Variants in CLIP2 observed in about 807,000 individuals in gnomAD.
CLIP2 encodes the protein CAP-Gly domain containing linker protein 2, also known as CAP-Gly domain-containing linker protein 2.
In CLIP2, 41 loss-of-function variants were observed where a neutral mutation model predicts 111.7. That is an observed-to-expected ratio of 0.37 (90% CI 0.29 to 0.48). The LOEUF (loss-of-function observed/expected upper bound fraction) is 0.48, where lower values mean the gene tolerates loss of function less well. CLIP2 is among the 20% of genes least tolerant of loss of function. The pLI is 0.99. For missense variants in CLIP2, 1,160 were observed against 1,422.1 expected (o/e 0.82, Z 2.96); for synonymous variants, 660 against 644.2 (o/e 1.02, Z -0.37).
chr7:74,379,023 C>T (rs1790868847), intron 10 of CLIP2, among the ~76,000 whole-genome samples: 2 of 152,204 alleles, frequency 1.3e-5, no homozygotes, highest in Admixed American at 1.3e-4. Flanking sequence ...CAGCCTGCAA[C>T]TCAGGAACTG....
intron 1 of CLIP2, among the ~76,000 whole-genome samples, chr7:74,305,927 G>C (rs1554727691): frequency 7.0e-6 from 1 of 141,856 alleles, no homozygotes; most frequent in African/African-American, 2.7e-5. Flanking sequence ...TGGTGTGCTT[G>C]TCTGATTGTG....
chr7:74,334,611 A>G (rs1377250787), intron 2 of CLIP2, among the ~76,000 whole-genome samples: 1 of 152,142 alleles, frequency 6.6e-6, no homozygotes, highest in Non-Finnish European at 1.5e-5. Flanking sequence ...CTCTCTCTGC[A>G]TAGGAAAGTG....
At chr7:74,382,083 T>C (rs1342844117) in intron 11 of CLIP2, among the ~76,000 whole-genome samples, 1 of 113,362 alleles carries the variant, frequency 8.8e-6, no homozygotes, top group Non-Finnish European at 2.1e-5. Context: ...GAGGTATTTC[T>C]ATTTGCATTT....
intron 8 of CLIP2, among the ~76,000 whole-genome samples, chr7:74,371,505 C>G (rs1275014660): frequency 1.5e-5 from 2 of 133,238 alleles, no homozygotes; most frequent in Non-Finnish European, 3.1e-5. Flanking sequence ...AACACACTGC[C>G]AGGAGGGAGG....
chr7:74,359,856 G>A (rs576431893), intron 6 of CLIP2, among the ~76,000 whole-genome samples: 1 of 152,342 alleles, frequency 6.6e-6, no homozygotes, highest in African/African-American at 2.4e-5. Context: ...AATAGGCCAA[G>A]TTCATGGCTG....
intron 2 of CLIP2, among the ~76,000 whole-genome samples, chr7:74,319,240 C>T (rs781844302): frequency 3.9e-5 from 6 of 152,136 alleles, no homozygotes; most frequent in South Asian, 2.1e-4. Flanking sequence ...AGGCCGGGGA[C>T]GGTGGCTCAT....
chr7:74,372,343 C>T (rs1244574367), intron 8 of CLIP2, among the ~76,000 whole-genome samples: 3 of 119,548 alleles, frequency 2.5e-5, no homozygotes, highest in Admixed American at 1.2e-4. Context: ...CGTGAGGGGT[C>T]GGGTATATTT....
intron 11 of CLIP2, among the ~76,000 whole-genome samples, chr7:74,382,520 G>T (rs1276282883): frequency 6.8e-6 from 1 of 146,162 alleles, no homozygotes; most frequent in Non-Finnish European, 1.5e-5. Flanking sequence ...CACTATGTTG[G>T]CCAGGCTGGT....
chr7:74,367,314 C>G (rs1235253217), intron 8 of CLIP2, among the ~76,000 whole-genome samples: 3 of 152,054 alleles, frequency 2.0e-5, no homozygotes. Flanking sequence ...CCTCAGCCTC[C>G]CAAGTTGCTG....
chr7:74,300,808 C>T (rs1328113036), intron 1 of CLIP2, among the ~76,000 whole-genome samples: 1 of 152,190 alleles, frequency 6.6e-6, no homozygotes, highest in Admixed American at 6.5e-5. Context: ...ACATATACCG[C>T]ATTTTCTTTA....
chr7:74,323,896 G>A (rs940891735), intron 2 of CLIP2, among the ~76,000 whole-genome samples: 1 of 152,160 alleles, frequency 6.6e-6, no homozygotes, highest in Non-Finnish European at 1.5e-5. Context: ...CAACAAAATC[G>A]CCTAATGATG....
At chr7:74,381,955 C>T (rs1305168411) in intron 11 of CLIP2, among the ~76,000 whole-genome samples, 14 of 152,202 alleles carry the variant, frequency 9.2e-5, no homozygotes, top group Non-Finnish European at 1.3e-4. Context: ...TGGTTGAAAA[C>T]CTGTTTCCCC....
chr7:74,294,486 G>T (rs1788116191), intron 1 of CLIP2, among the ~76,000 whole-genome samples: 1 of 152,134 alleles, frequency 6.6e-6, no homozygotes, highest in African/African-American at 2.4e-5. Context: ...TTCCACTCTA[G>T]CCTGAGCCCT....
chr7:74,400,685 A>G (rs1194823760), intron 15 of CLIP2, 130 bp downstream of exon 15: 2 of 916,244 alleles, frequency 2.2e-6, no homozygotes, highest in African/African-American at 3.4e-5. Flanking sequence ...TCGTCCCAGG[A>G]ACCTGGTCTG....
intron 2 of CLIP2, among the ~76,000 whole-genome samples, chr7:74,327,885 G>A (rs1554730833): frequency 6.6e-6 from 1 of 152,202 alleles, no homozygotes; most frequent in Non-Finnish European, 1.5e-5. Context: ...AGCCATCCGG[G>A]CCGCTCTTGC....
chr7:74,389,237 C>G lies in CLIP2; in HGVS notation c.2698C>G (p.Gln900Glu), dbSNP rs139669342. The G allele has an allele frequency of 5.0e-5, 80 of 1,607,480 alleles. No individual in the cohort carries two copies. Among genetic ancestry groups the G allele is most frequent in the Non-Finnish European group, 6.8e-5 (80 of 1,177,394 alleles). ...DASGQLVLIS[Q>E]ELLRKERSLN... ...CTCGGGCCAGCTAGTCCTCATCAGC[C>G]AGGAGCTGCTGCGGAAGGAGCGGTG... The change falls in exon 13 of 17, where the codon CAG becomes GAG. Residue 900 changes from glutamine (Q) to glutamate (E), a missense_variant. Coordinates refer to ENST00000223398, the MANE Select transcript of CLIP2 (RefSeq NM_003388.5).
At chr7:74,387,183 T>C (rs1381601638) in intron 12 of CLIP2, among the ~76,000 whole-genome samples, 3 of 152,110 alleles carry the variant, frequency 2.0e-5, no homozygotes, top group Admixed American at 6.6e-5. Flanking sequence ...CCTGAAATTC[T>C]ATCCATTCTA....
intron 12 of CLIP2, 57 bp downstream of exon 12, chr7:74,386,661 C>T: frequency 1.4e-6 from 2 of 1,398,052 alleles, no homozygotes; most frequent in Non-Finnish European, 2.0e-6. Context: ...CCGTGCCATT[C>T]AGCTGCCAAT....
chr7:74,324,260 G>A (rs1554730407), intron 2 of CLIP2, among the ~76,000 whole-genome samples: 2 of 152,294 alleles, frequency 1.3e-5, no homozygotes, highest in South Asian at 2.1e-4. Flanking sequence ...CCAAAGTGCC[G>A]GGATTCCAGG....
Sources: gnomAD v4.1 joint callset for allele counts (sites outside exome capture counted in the v4.1 genomes callset) on GRCh38, gnomAD v4.1.1 for gene constraint, MANE v1.5 for transcripts, NCBI Gene and HGNC (gene_info 2026-07-23, HGNC 2026-07-21) for gene names.